NOX4: variants seen among roughly 807,000 people sequenced by gnomAD.
NOX4 encodes NADPH oxidase 4, also known as kidney oxidase-1.
Under a neutral mutation model 87.6 loss-of-function variants are expected in NOX4, and 69 were observed. The ratio of observed to expected loss-of-function variants is 0.79; its 90% confidence interval spans 0.65 to 0.96. The LOEUF (loss-of-function observed/expected upper bound fraction) is 0.96, where lower values mean the gene tolerates loss of function less well. NOX4 is among the 40% of genes least tolerant of loss of function. The probability of loss-of-function intolerance (pLI) is 0.00; values close to 1 mark genes in which losing one functional copy is unlikely to be tolerated. For synonymous variants in NOX4, 275 were observed against 238.2 expected, an observed-to-expected ratio of 1.15 and a Z score of -1.42; for missense variants, 680 against 681.5, an observed-to-expected ratio of 1.00 and a Z score of 0.02.
chr11:89,540,635 A>G, the NOX4 span, among the ~76,000 whole-genome samples: 1 of 151,580 alleles, frequency 6.6e-6, no homozygotes, highest in Non-Finnish European at 1.5e-5. Flanking sequence ...AAAATACAAA[A>G]AAATTAGCCG....
At chr11:89,438,871 A>G (rs1214643360) in intron 6 of NOX4, among the ~76,000 whole-genome samples, 5 of 48,350 alleles carry the variant, frequency 1.0e-4, no homozygotes, top group African/African-American at 8.8e-4. Context: ...TATATTATAT[A>G]TATAATATAT....
At chr11:89,339,873 ATG>A (rs572950387) in intron 15 of NOX4, among the ~76,000 whole-genome samples, 188 bp downstream of exon 15, 25 of 152,288 alleles carry the variant, frequency 1.6e-4, no homozygotes, top group Admixed American at 1.4e-3. Flanking sequence ...ATCTGAAAAG[ATG>A]TGTGTCTAAT....
intron 5 of NOX4, 200 bp downstream of exon 5, chr11:89,443,934 CT>C (rs1272549275): frequency 1.9e-6 from 1 of 524,584 alleles, no homozygotes; most frequent in African/African-American, 1.9e-5. Flanking sequence ...ATTCTACCAA[CT>C]CTCACTTTCA....
intron 12 of NOX4, among the ~76,000 whole-genome samples, chr11:89,363,951 A>C (rs1186312461): frequency 2.6e-5 from 4 of 152,086 alleles, no homozygotes; most frequent in Non-Finnish European, 5.9e-5. Flanking sequence ...AAACCAGGAA[A>C]TCAAGTTGCA....
intron 13 of NOX4, among the ~76,000 whole-genome samples, chr11:89,351,869 A>G (rs117215694): frequency 1.2e-4 from 18 of 152,204 alleles, no homozygotes; most frequent in African/African-American, 4.3e-4. Flanking sequence ...GTGTCCATCA[A>G]TGGATGACTG....
At chr11:89,383,627 A>C (rs536336537) in intron 11 of NOX4, among the ~76,000 whole-genome samples, 17 of 152,246 alleles carry the variant, frequency 1.1e-4, no homozygotes, top group African/African-American at 4.1e-4. Context: ...TGTTGTGGGT[A>C]TTGACAGCCA....
At chr11:89,561,015 T>TATATATTATATATATATATATATATAC in the NOX4 span, among the ~76,000 whole-genome samples, 3 of 80,510 alleles carry the variant, frequency 3.7e-5, no homozygotes, top group African/African-American at 1.8e-4. Context: ...TATATATATA[T>TATATATTATATATATATATATATATAC]ATATACATAC....
intron 11 of NOX4, among the ~76,000 whole-genome samples, chr11:89,374,281 G>A (rs1239281321): frequency 6.6e-6 from 1 of 152,070 alleles, no homozygotes; most frequent in East Asian, 1.9e-4. Flanking sequence ...TAATATTTCT[G>A]TGTAAAAATT....
chr11:89,363,262 T>C (rs1938668543), intron 12 of NOX4, among the ~76,000 whole-genome samples: 1 of 152,066 alleles, frequency 6.6e-6, no homozygotes. Context: ...AAGGTGAATA[T>C]TTTTGCTCTG....
chr11:89,359,969 A>T (rs563948030), intron 12 of NOX4, among the ~76,000 whole-genome samples: 12 of 152,098 alleles, frequency 7.9e-5, no homozygotes, highest in Middle Eastern at 3.4e-3. Context: ...AATTTTTTTT[A>T]AATGGCATCA....
At chr11:89,478,179 T>C (rs1016900955) in intron 2 of NOX4, among the ~76,000 whole-genome samples, 1 of 151,130 alleles carries the variant, frequency 6.6e-6, no homozygotes, top group Non-Finnish European at 1.5e-5. Flanking sequence ...TCTTTTCCTC[T>C]CTTTCCCTGC....
the NOX4 span, among the ~76,000 whole-genome samples, chr11:89,561,878 C>T: frequency 1.9e-4 from 29 of 152,230 alleles, no homozygotes; most frequent in South Asian, 5.0e-3. Context: ...AATTGAGCAG[C>T]GGCCTTTGCT....
chr11:89,395,041 T>C (rs1194212296), intron 11 of NOX4, among the ~76,000 whole-genome samples: 3 of 152,204 alleles, frequency 2.0e-5, no homozygotes, highest in Non-Finnish European at 4.4e-5. Context: ...CAGGGTCAAA[T>C]GGTGTTTCTA....
intron 11 of NOX4, among the ~76,000 whole-genome samples, chr11:89,378,307 C>T (rs906092158): frequency 2.0e-5 from 3 of 152,156 alleles, no homozygotes; most frequent in Admixed American, 6.5e-5. Flanking sequence ...CTAGCCTACT[C>T]ATTTAGAGTG....
intron 6 of NOX4, among the ~76,000 whole-genome samples, chr11:89,434,163 T>C (rs185119048): frequency 1.4e-3 from 216 of 152,152 alleles, no homozygotes; most frequent in African/African-American, 5.0e-3. Context: ...TTGTGTACAA[T>C]GTAAGAGCAA....
chr11:89,539,856 C>T, the NOX4 span, among the ~76,000 whole-genome samples: 12 of 152,130 alleles, frequency 7.9e-5, no homozygotes, highest in African/African-American at 2.4e-4. Context: ...ATTGGAAGAG[C>T]GTCAAAGAAT....
intron 2 of NOX4, among the ~76,000 whole-genome samples, chr11:89,486,023 T>C (rs1946575270): frequency 6.6e-6 from 1 of 152,092 alleles, no homozygotes; most frequent in Non-Finnish European, 1.5e-5. Context: ...ATAAAACATA[T>C]TAATCCCAAT....
the NOX4 span, among the ~76,000 whole-genome samples, chr11:89,568,701 C>A: frequency 2.0e-5 from 3 of 152,092 alleles, no homozygotes; most frequent in Non-Finnish European, 2.9e-5. Context: ...TATAGGGAAC[C>A]AAAATATAGT....
chr11:89,552,227 A>T, the NOX4 span, among the ~76,000 whole-genome samples: 415 of 152,302 alleles, frequency 2.7e-3, 3 homozygotes, highest in African/African-American at 9.5e-3. Context: ...CACAAAAGGA[A>T]ACTGAAACTG....
Sources: gnomAD v4.1 joint callset for allele counts (sites outside exome capture counted in the v4.1 genomes callset) on GRCh38, gnomAD v4.1.1 for gene constraint, MANE v1.5 for transcripts, NCBI Gene and HGNC (gene_info 2026-07-23, HGNC 2026-07-21) for gene names.